The following SLC9C2 variants were observed in gnomAD, a reference collection of about 807,000 sequenced individuals.
SLC9C2 encodes the protein sodium/hydrogen exchanger 11.
Under a neutral mutation model 140.2 loss-of-function variants are expected in SLC9C2, and 75 were observed. The observed-to-expected ratio is 0.53, with a 90% CI of 0.44 to 0.65. The LOEUF is 0.65. SLC9C2 is among the 30% of genes least tolerant of loss of function. SLC9C2 has a pLI of 0.00. For synonymous variants in SLC9C2, 375 were observed against 420.9 expected, an observed-to-expected ratio of 0.89 and a Z score of 1.34; for missense variants, 1,074 against 1,331.8, an observed-to-expected ratio of 0.81 and a Z score of 3.01.
intron 5 of SLC9C2, 27 bp from the exon 6 acceptor site, chr1:173,583,649 T>C (rs771828993): frequency 1.8e-6 from 2 of 1,102,438 alleles, no homozygotes; most frequent in Non-Finnish European, 2.6e-6. Context: ...AAAATGTAAC[T>C]CAATATGCTA....
Position 173,581,999 on chromosome 1 carries a change from A to G in SLC9C2, c.650T>C (p.Val217Ala). The part of the protein sequence containing the change: ...IHFSIFRDLH[V>A]GIELSYDILG... ...AATGTCATAGCTGAGTTCAATGCCT[A>G]CATGTAAATCTAAAAAAAAGAAAGA... The change falls in exon 7 of 28, where the codon GTA becomes GCA. Residue 217 changes from valine (V) to alanine (A), a missense_variant. Val to Ala is a moderately conservative substitution (Grantham distance 64). Transcript: ENST00000367714. The G allele has an allele frequency of 1.3e-6, 2 of 1,537,852 alleles. No homozygotes were observed. Among genetic ancestry groups the G allele is most frequent in the Non-Finnish European group, 1.8e-6 (2 of 1,138,748 alleles).
intron 4 of SLC9C2, among the ~76,000 whole-genome samples, chr1:173,596,072 C>G (rs957802094): frequency 6.6e-6 from 1 of 152,140 alleles, no homozygotes; most frequent in Non-Finnish European, 1.5e-5. Context: ...TCTCTTAGCA[C>G]AATGCATTTT....
rs764533413 is a variant in SLC9C2, at chr1:173,523,962, T to A, written c.2640+7A>T. ...ACCTGAGCCAGAATAGAAAACGGAA[T>A]CTTTACCTTGAAGAAGTCAATGAGA... On this transcript the variant is annotated splice_region_variant and intron_variant, in intron 21 of 27. Transcript: ENST00000367714. 8 of 1,603,676 alleles carry A rather than the reference T, an allele frequency of 5.0e-6. No homozygotes were observed. Among genetic ancestry groups the A allele is most frequent in the Non-Finnish European group, 6.8e-6 (8 of 1,177,352 alleles).
chr1:173,521,276 A>C, intron 22 of SLC9C2, 25 bp downstream of exon 22: 2 of 1,343,266 alleles, frequency 1.5e-6, no homozygotes, highest in Non-Finnish European at 2.0e-6. Flanking sequence ...AGTAAAAAAA[A>C]AAAAAAAAAT....
Position 173,506,842 on chromosome 1 carries a change from A to G in SLC9C2, c.3225+14T>C. The G allele has an allele frequency of 6.2e-7, 1 of 1,603,876 alleles. No homozygotes were observed. Among genetic ancestry groups the G allele is most frequent in the Non-Finnish European group, 8.5e-7 (1 of 1,175,708 alleles). On this transcript the variant is annotated intron_variant, in intron 25 of 27. Transcript: ENST00000367714. ...GTGAAGAGCAAGAGACTCTTTAGAA[A>G]TGATATTTCTTACCTGCTCACAGGT...
intron 19 of SLC9C2, 146 bp from the exon 20 acceptor site, chr1:173,525,073 A>G: frequency 1.1e-6 from 1 of 896,884 alleles, no homozygotes; most frequent in African/African-American, 1.7e-5. Context: ...TCAGCAGGCA[A>G]AGAGTTATTT....
chr1:173,557,158 C>T (rs545706881), intron 10 of SLC9C2, among the ~76,000 whole-genome samples, 182 bp downstream of exon 10: 2 of 152,234 alleles, frequency 1.3e-5, no homozygotes, highest in East Asian at 3.9e-4. Context: ...TACTCCATGA[C>T]TATTGGTCCC....
chr1:173,523,348 G>A (rs899997698), intron 21 of SLC9C2, among the ~76,000 whole-genome samples: 3 of 152,048 alleles, frequency 2.0e-5, no homozygotes, highest in South Asian at 2.1e-4. Flanking sequence ...CTCCAGCCTG[G>A]GCGGCAGAGT....
chr1:173,565,253 T>C (rs980600364), intron 9 of SLC9C2, among the ~76,000 whole-genome samples: 2 of 152,214 alleles, frequency 1.3e-5, no homozygotes, highest in South Asian at 2.1e-4. Flanking sequence ...TGCCTGCACT[T>C]GTGGATTATT....
rs113052209 is a variant in SLC9C2, at chr1:173,573,067, C to T, written c.1046+115G>A. ...ATTGTCAAGGCCTTGATAACAATGC[C>T]GGTTTCCTGGCTCCATGTCCAGAGC... On this transcript the variant is annotated intron_variant, in intron 9 of 27. Transcript: ENST00000367714. The T allele has an allele frequency of 1.0e-3, 680 of 669,436 alleles. 3 individuals carry two copies. The highest frequency in any genetic ancestry group is 0.01 in the African/African-American group (532 of 53,146). The allele number at this position is 669,436 out of a possible 1,614,324, so 41.5% of individuals were successfully genotyped here. A position where few individuals can be genotyped will look rare whatever the true frequency, so the allele number is the denominator to read the frequency against.
At chr1:173,581,804 C>T in intron 7 of SLC9C2, 43 bp downstream of exon 7, 1 of 1,428,940 alleles carries the variant, frequency 7.0e-7, no homozygotes, top group Non-Finnish European at 9.3e-7. Context: ...ATGTATAAAA[C>T]TTACTTTAAG....
chr1:173,518,227 C>T (rs570939158), intron 22 of SLC9C2, among the ~76,000 whole-genome samples: 1 of 151,012 alleles, frequency 6.6e-6, no homozygotes, highest in Non-Finnish European at 1.5e-5. Context: ...CGTGCCACTG[C>T]ACTCCAGCTG....
intron 1 of SLC9C2, among the ~76,000 whole-genome samples, chr1:173,602,530 T>G (rs1445557935): frequency 6.6e-6 from 1 of 152,112 alleles, no homozygotes; most frequent in Non-Finnish European, 1.5e-5. Context: ...CTCAGAGCAA[T>G]GAAGCCTGTC....
Position 173,519,170 on chromosome 1 carries a change from G to A in SLC9C2, c.2740-1466C>T, listed in dbSNP as rs191778653. Among the ~76,000 whole-genome samples, 84 of 152,218 alleles carry A rather than the reference G, an allele frequency of 5.5e-4. No homozygotes were observed. In the East Asian group the frequency reaches 6.2e-3, roughly 11 times the overall value. On this transcript the variant is annotated intron_variant, in intron 22 of 27. Coordinates refer to ENST00000367714, the MANE Select transcript of SLC9C2 (RefSeq NM_178527.4). ...CTCGCAAGTAGAAGGGAGTCCATCA[G>A]AGAGAGATGTGTGAAGGATTCCATA...
chr1:173,578,696 C>T (rs1417543661), intron 7 of SLC9C2, among the ~76,000 whole-genome samples: 1 of 152,172 alleles, frequency 6.6e-6, no homozygotes, highest in Non-Finnish European at 1.5e-5. Context: ...CTGTCCCAGG[C>T]CTCTCTCCTA....
At chr1:173,538,752 T>C (rs1321188726) in intron 13 of SLC9C2, among the ~76,000 whole-genome samples, 1 of 152,158 alleles carries the variant, frequency 6.6e-6, no homozygotes, top group African/African-American at 2.4e-5. Flanking sequence ...GCATCTCTAG[T>C]GCACGTACAG....
At chr1:173,562,564 A>G (rs1162845858) in intron 9 of SLC9C2, among the ~76,000 whole-genome samples, 1 of 152,160 alleles carries the variant, frequency 6.6e-6, no homozygotes, top group Non-Finnish European at 1.5e-5. Flanking sequence ...ACCCCTCAGG[A>G]CCTTTGGATT....
At chr1:173,505,185 A>T (rs1426791668) in intron 26 of SLC9C2, 62 bp downstream of exon 26, 1 of 1,358,176 alleles carries the variant, frequency 7.4e-7, no homozygotes, top group East Asian at 2.3e-5. Context: ...AGTTAAAGGA[A>T]TTTTACATGT....
chr1:173,517,076 C>T (rs1304639184), intron 23 of SLC9C2, among the ~76,000 whole-genome samples: 1 of 152,140 alleles, frequency 6.6e-6, no homozygotes, highest in Admixed American at 6.6e-5. Flanking sequence ...TTATGTTGAG[C>T]TTTTTTTCAT....
Sources: gnomAD v4.1 joint callset for allele counts (sites outside exome capture counted in the v4.1 genomes callset) on GRCh38, gnomAD v4.1.1 for gene constraint, MANE v1.5 for transcripts, NCBI Gene and HGNC (gene_info 2026-07-23, HGNC 2026-07-21) for gene names.